CHID1: variants seen among roughly 807,000 people sequenced by gnomAD.
CHID1 encodes the protein chitinase domain containing 1, also known as chitinase domain-containing protein 1.
In CHID1, 44 loss-of-function variants were observed where a neutral mutation model predicts 55.4. The ratio of observed to expected loss-of-function variants is 0.79; its 90% CI spans 0.62 to 1.02. The LOEUF is 1.02. Among genes scored for constraint, CHID1 ranks in the 50% least tolerant of loss-of-function variants. The pLI, the probability that CHID1 is intolerant of heterozygous loss-of-function variation, is 0.00. For synonymous variants in CHID1, 216 were observed against 212.9 expected (o/e 1.01, Z -0.13); for missense variants, 491 against 515.3 (o/e 0.95, Z 0.46).
rs573982321 is a variant in CHID1 at position 869,998 on chromosome 11, C to T, written c.1084-42G>A. 71 of 1,605,788 alleles carry T rather than the reference C, an allele frequency of 4.4e-5. 1 individual carries two copies. The South Asian group carries it at 6.3e-4, about 14-fold the overall frequency. ...GTGTGAGCACCTGCTGGGGCCTGTCCCCCCAACACCCAGGGATGTCCTCCA... is the reference window on the plus strand; with the variant it reads ...GTGTGAGCACCTGCTGGGGCCTGTCTCCCCAACACCCAGGGATGTCCTCCA... On this transcript the variant is annotated intron_variant, in intron 12 of 12. Coordinates refer to ENST00000323578, the MANE Select transcript of CHID1 (RefSeq NM_023947.4).
At chr11:887,390 G>GTGC (rs1589850716) in intron 8 of CHID1, among the ~76,000 whole-genome samples, 1 of 152,302 alleles carries the variant, frequency 6.6e-6, no homozygotes, top group East Asian at 1.9e-4. Context: ...AGGTGGTCAT[G>GTGC]TGCTCTTGGT....
At position 883,235 on chromosome 11, in the gene CHID1, C is replaced by T. The variant is rs2134176045; in HGVS notation, c.872G>A (p.Trp291Ter). The T allele has an allele frequency of 1.9e-6, 3 of 1,614,192 alleles. No individual in the cohort carries two copies. Among genetic ancestry groups the T allele is most frequent in the East Asian group, 2.2e-5 (1 of 44,882 alleles). ...CVQVLDPKSK[W>*]RSKILLGLNF... ...GAGCCCCAGGAGGATTTTGCTTCGCCACTTGGACTTCGGGTCCAGGACCTG... is the reference window on the plus strand; with the variant it reads ...GAGCCCCAGGAGGATTTTGCTTCGCTACTTGGACTTCGGGTCCAGGACCTG... The change falls in exon 10 of 13, where the codon TGG becomes TAG. Residue 291 changes from tryptophan (W) to a stop codon, truncating the protein, a stop_gained. Transcript: ENST00000323578. LOFTEE classifies it high-confidence loss of function.
Position 875,584 on chromosome 11 carries a change from C to T in CHID1, c.960-5085G>A, listed in dbSNP as rs535543811. On this transcript the variant is annotated intron_variant, in intron 10 of 12. Transcript: ENST00000323578. The surrounding 1 kb of genome is among the most constrained non-coding windows in gnomAD (Gnocchi z 4.7). Reference sequence around the variant, plus strand: ...TAGGAGAACACGGTGAGCATGAGGCCGGGGATCGGGGCTGGGGTTGCTGAA... The same window carrying T: ...TAGGAGAACACGGTGAGCATGAGGCTGGGGATCGGGGCTGGGGTTGCTGAA... Among the ~76,000 whole-genome samples the T allele has an allele frequency of 7.9e-5, 12 of 152,204 alleles. No homozygotes were observed. Among genetic ancestry groups the T allele is most frequent in the African/African-American group, 2.6e-4 (11 of 41,524 alleles).
At chr11:899,927 C>T (rs567286920) in intron 6 of CHID1, 77 bp downstream of exon 6, 21 of 1,046,362 alleles carry the variant, frequency 2.0e-5, no homozygotes, top group African/African-American at 7.9e-5. Flanking sequence ...GTGGAGGCCT[C>T]GCGGGAGGCC....
intron 1 of CHID1, 92 bp downstream of exon 1, chr11:910,683 C>G (rs111823965): frequency 1.6e-6 from 2 of 1,266,552 alleles, no homozygotes; most frequent in Middle Eastern, 2.2e-4. Context: ...CCTCCCGGGG[C>G]CGAGCCTCGC....
chr11:905,396 G>A (rs976294665), intron 1 of CHID1, among the ~76,000 whole-genome samples: 1 of 152,204 alleles, frequency 6.6e-6, no homozygotes, highest in East Asian at 1.9e-4. Flanking sequence ...GGCCGGGTGC[G>A]GTGGCTTATG....
intron 1 of CHID1, chr11:908,493 G>A: frequency 2.5e-6 from 2 of 785,270 alleles, no homozygotes; most frequent in Non-Finnish European, 3.1e-6. Flanking sequence ...CAGGGAAGGT[G>A]GGGAGGGTTC....
At chr11:892,027 A>T (rs1850871893) in intron 8 of CHID1, among the ~76,000 whole-genome samples, 1 of 150,112 alleles carries the variant, frequency 6.7e-6, no homozygotes, top group African/African-American at 2.5e-5. Context: ...GAGGTGGGGG[A>T]TCACTTGAGC....
At position 869,676 on chromosome 11, in the gene CHID1, G is replaced by A. The variant is rs1849032981; in HGVS notation, c.*182C>T. Reference sequence around the variant, plus strand: ...AGCTCTCAGGGTGTCCCCCAGCTAGGACTCATCCAGGGCAGGGACCCCTCA... The same window carrying A: ...AGCTCTCAGGGTGTCCCCCAGCTAGAACTCATCCAGGGCAGGGACCCCTCA... On this transcript the variant is annotated 3_prime_UTR_variant, in exon 13 of 13. Coordinates refer to ENST00000323578, the MANE Select transcript of CHID1 (RefSeq NM_023947.4). The A allele has an allele frequency of 1.6e-6, 1 of 620,394 alleles. No individual in the cohort carries two copies. The highest frequency in any genetic ancestry group is 2.9e-6 in the Non-Finnish European group (1 of 350,040). 38.4% of individuals were successfully genotyped at this position (620,394 alleles called of 1,614,324 possible). A position where few individuals can be genotyped will look rare whatever the true frequency, so the allele number is the denominator to read the frequency against.
rs184422461 is a variant in CHID1 at position 885,542 on chromosome 11, C to T, written c.702-1373G>A. Among the ~76,000 whole-genome samples, 145 of 152,178 alleles carry T rather than the reference C, an allele frequency of 9.5e-4. 1 individual carries two copies. The highest frequency in any genetic ancestry group is 3.4e-3 in the Middle Eastern group (1 of 294). ...GGCACGGTCAGCCTCCCCAGATCCC[C>T]GACAAACACCTCCCAGCACTATGCC... On this transcript the variant is annotated intron_variant, in intron 8 of 12. Transcript: ENST00000323578.
At chr11:870,032 G>A (rs1305534341) in intron 12 of CHID1, 76 bp from the exon 13 acceptor site, 3 of 1,605,398 alleles carry the variant, frequency 1.9e-6, no homozygotes, top group Non-Finnish European at 2.6e-6. Context: ...CAGGCCGAGG[G>A]GCAGCACCGC....
chr11:891,209 G>C (rs1478960099), intron 8 of CHID1, among the ~76,000 whole-genome samples: 1 of 152,148 alleles, frequency 6.6e-6, no homozygotes, highest in African/African-American at 2.4e-5. Flanking sequence ...GACTGGGAGG[G>C]CACAGCCCTG....
At chr11:883,085 T>TACACCC (rs1359938726) in intron 10 of CHID1, 63 bp downstream of exon 10, 1 of 1,539,820 alleles carries the variant, frequency 6.5e-7, no homozygotes, top group African/African-American at 1.4e-5. Flanking sequence ...TCTGTCTCCT[T>TACACCC]ACACCCACAC....
upstream of CHID1, among the ~76,000 whole-genome samples, chr11:913,538 C>T (rs960134526): frequency 3.9e-5 from 6 of 152,164 alleles, no homozygotes; most frequent in Admixed American, 6.5e-5. Flanking sequence ...TTTGGGAGGC[C>T]GAGGTGGACG....
intron 8 of CHID1, among the ~76,000 whole-genome samples, chr11:888,547 C>T (rs1850565129): frequency 6.6e-6 from 1 of 152,230 alleles, no homozygotes. Context: ...CAGCTTGTCA[C>T]GGATTAGACG....
upstream of CHID1, chr11:910,937 T>TCGGGGCCGGGGA (rs1852636674): frequency 1.7e-6 from 1 of 592,314 alleles, no homozygotes; most frequent in Non-Finnish European, 2.1e-6. Flanking sequence ...TGCCCGAAAG[T>TCGGGGCCGGGGA]CGGGGCCGGG....
chr11:883,014 C>A (rs1011567423), intron 10 of CHID1, 134 bp downstream of exon 10: 171 of 1,017,856 alleles, frequency 1.7e-4, no homozygotes, highest in Non-Finnish European at 2.3e-4. Context: ...GCTCCTGGCC[C>A]AGCCCCTATC....
chr11:869,768 C>G lies in CHID1; in HGVS notation c.*90G>C. On this transcript the variant is annotated 3_prime_UTR_variant, in exon 13 of 13. Coordinates refer to ENST00000323578, the MANE Select transcript of CHID1 (RefSeq NM_023947.4). ...GAGGACTGCAGCAGACCCGTCACAGCAAACGGAGTGGAGGCCTGTATTTCA... is the reference window on the plus strand; with the variant it reads ...GAGGACTGCAGCAGACCCGTCACAGGAAACGGAGTGGAGGCCTGTATTTCA... 8.5e-7 allele frequency: 1 copy of G among 1,179,616 alleles called. No individual in the cohort carries two copies. The allele number at this position is 1,179,616 out of a possible 1,614,324, so 73.1% of individuals were successfully genotyped here. A position where few individuals can be genotyped will look rare whatever the true frequency, so the allele number is the denominator to read the frequency against.
At chr11:876,763 T>C (rs1849550386) in intron 10 of CHID1, among the ~76,000 whole-genome samples, 1 of 152,224 alleles carries the variant, frequency 6.6e-6, no homozygotes, top group Admixed American at 6.5e-5. Context: ...CGTTTATTTA[T>C]TCCAGCCTTG....
Sources: gnomAD v4.1 joint callset for allele counts (sites outside exome capture counted in the v4.1 genomes callset) on GRCh38, gnomAD v4.1.1 for gene constraint, Gnocchi (gnomAD v3.1) non-coding constraint, MANE v1.5 for transcripts, NCBI Gene and HGNC (gene_info 2026-07-23, HGNC 2026-07-21) for gene names.